The following TM9SF3 variants were observed in gnomAD, a reference collection of about 807,000 sequenced individuals.
The protein encoded by TM9SF3 is transmembrane 9 superfamily member 3.
A neutral mutation model predicts 78.6 loss-of-function variants in TM9SF3; 14 were observed. The ratio of observed to expected loss-of-function variants is 0.18; its 90% CI spans 0.12 to 0.28. The LOEUF is 0.28. Among genes scored for constraint, TM9SF3 ranks in the 10% least tolerant of loss-of-function variants. The pLI, the probability that TM9SF3 is intolerant of heterozygous loss-of-function variation, is 1.00. For synonymous variants in TM9SF3, 231 were observed against 241.7 expected, an observed-to-expected ratio of 0.96 and a Z score of 0.41; for missense variants, 496 against 721.9, an observed-to-expected ratio of 0.69 and a Z score of 3.59.
chr10:96,540,776 T>TTTC (rs1848019231), intron 9 of TM9SF3, among the ~76,000 whole-genome samples: 1 of 126,882 alleles, frequency 7.9e-6, no homozygotes, highest in East Asian at 2.2e-4. Context: ...TTTCTTTTTT[T>TTTC]TTTTTTTTTT....
rs117078741 is a variant in TM9SF3 at position 96,555,477 on chromosome 10, G to A, written c.661-2418C>T. The stretch of plus-strand genomic sequence containing the variant: ...ATCCTCCTGCTCTAAAATTCTACAG[G>A]TACATACATATGCATTGCTGTGTAT... On this transcript the variant is annotated intron_variant, in intron 5 of 14. Coordinates refer to ENST00000371142, the MANE Select transcript of TM9SF3 (RefSeq NM_020123.4). 2.2e-3 allele frequency among the ~76,000 whole-genome samples: 332 copies of A among 152,182 alleles called. 1 individual carries two copies. The highest frequency in any genetic ancestry group is 3.4e-3 in the Middle Eastern group (1 of 294).
At chr10:96,578,403 A>C (rs558181270) in intron 1 of TM9SF3, among the ~76,000 whole-genome samples, 1 of 152,364 alleles carries the variant, frequency 6.6e-6, no homozygotes, top group Admixed American at 6.5e-5. Flanking sequence ...TAAGGTAATA[A>C]AGGGCTATTG....
At chr10:96,522,370 C>G (rs1213421772) in intron 14 of TM9SF3, 40 bp from the exon 15 acceptor site, 11 of 1,483,298 alleles carry the variant, frequency 7.4e-6, no homozygotes, top group Non-Finnish European at 1.0e-5. Context: ...CAAATACATA[C>G]AGAGCAGTAT....
At chr10:96,568,417 C>G (rs1010827401) in intron 2 of TM9SF3, among the ~76,000 whole-genome samples, 1 of 151,970 alleles carries the variant, frequency 6.6e-6, no homozygotes, top group Non-Finnish European at 1.5e-5. Context: ...ATAGTTCTTA[C>G]GAGGGAAAAA....
chr10:96,560,148 C>A, intron 4 of TM9SF3: 2 of 749,708 alleles, frequency 2.7e-6, no homozygotes, highest in South Asian at 1.4e-5. Flanking sequence ...TTATCTCCGT[C>A]TGCCTTCTTT....
At chr10:96,565,584 T>C (rs2134153225) in intron 2 of TM9SF3, among the ~76,000 whole-genome samples, 158 bp from the exon 3 acceptor site, 1 of 152,048 alleles carries the variant, frequency 6.6e-6, no homozygotes, top group Non-Finnish European at 1.5e-5. Context: ...CAGTGTACTA[T>C]TCCTCCCTTT....
chr10:96,544,020 T>G, intron 9 of TM9SF3, 56 bp downstream of exon 9: 1 of 1,547,756 alleles, frequency 6.5e-7, no homozygotes, highest in African/African-American at 1.4e-5. Flanking sequence ...GGTGAGTAGG[T>G]CTCAGTTAGA....
chr10:96,569,893 G>C (rs973701516), intron 2 of TM9SF3, among the ~76,000 whole-genome samples: 3 of 152,158 alleles, frequency 2.0e-5, no homozygotes, highest in Non-Finnish European at 4.4e-5. Flanking sequence ...TCAGCTTGGC[G>C]TGGTGGCGTG....
chr10:96,546,039 C>T (rs1050874134), intron 8 of TM9SF3, among the ~76,000 whole-genome samples: 2 of 152,204 alleles, frequency 1.3e-5, no homozygotes, highest in African/African-American at 2.4e-5. Flanking sequence ...TTTTCTACTG[C>T]TCTTCAAACC....
chr10:96,560,418 T>C, intron 4 of TM9SF3: 4 of 742,024 alleles, frequency 5.4e-6, no homozygotes, highest in South Asian at 4.0e-5. Context: ...ACTGGCACCT[T>C]TGAAAATGTC....
At chr10:96,522,443 T>A (rs1292701283) in intron 14 of TM9SF3, 113 bp from the exon 15 acceptor site, 3 of 814,034 alleles carry the variant, frequency 3.7e-6, no homozygotes, top group East Asian at 6.2e-5. Context: ...AAAGAAAATA[T>A]CCTTATGTTA....
At position 96,586,665 on chromosome 10, in the gene TM9SF3, C is replaced by T. The variant is rs963287236; in HGVS notation, c.102+69G>A. ...CCGGGCCGCCGGGCACTCCAGGCTG[C>T]GTGGGGCCTGCCTCAGTGGGCAACT... On this transcript the variant is annotated intron_variant, in intron 1 of 14. Transcript: ENST00000371142. 41 of 1,178,088 alleles carry T rather than the reference C, an allele frequency of 3.5e-5. No individual in the cohort carries two copies. The South Asian group carries it at 1.2e-3, about 35-fold the overall frequency. The allele number at this position is 1,178,088 out of a possible 1,614,324, so 73.0% of individuals were successfully genotyped here. A position where few individuals can be genotyped will look rare whatever the true frequency, so the allele number is the denominator to read the frequency against.
At chr10:96,547,427 A>G (rs1051892475) in intron 8 of TM9SF3, among the ~76,000 whole-genome samples, 14 of 152,232 alleles carry the variant, frequency 9.2e-5, no homozygotes, top group Non-Finnish European at 1.8e-4. Context: ...TCTACTAATT[A>G]TTCATAATTT....
chr10:96,571,631 A>C (rs935917829), intron 2 of TM9SF3, among the ~76,000 whole-genome samples: 1 of 152,218 alleles, frequency 6.6e-6, no homozygotes, highest in Non-Finnish European at 1.5e-5. Context: ...AAAATATATA[A>C]GGCTCTAAAC....
In TM9SF3 at chr10:96,519,386, T is replaced by G. The variant is rs1485401312; in HGVS notation, c.*2877A>C. 1 of 151,966 alleles carries G rather than the reference T, an allele frequency of 6.6e-6. No homozygotes were observed. Among genetic ancestry groups the G allele is most frequent in the Non-Finnish European group, 1.5e-5 (1 of 67,856 alleles). The allele number at this position is 151,966 out of a possible 1,614,324, so 9.4% of individuals were successfully genotyped here. On this transcript the variant is annotated 3_prime_UTR_variant, in exon 15 of 15. Transcript: ENST00000371142. ...TTCTAAGAGTATGGGGTTTGATTTATGGGCAACCCCAGTACAATCTAGGAG... is the reference window on the plus strand; with the variant it reads ...TTCTAAGAGTATGGGGTTTGATTTAGGGGCAACCCCAGTACAATCTAGGAG...
intron 11 of TM9SF3, 135 bp from the exon 12 acceptor site, chr10:96,528,312 C>A: frequency 1.3e-6 from 1 of 763,930 alleles, no homozygotes. Flanking sequence ...CCAACAGCTT[C>A]TCTTACCATG....
At chr10:96,547,200 A>G (rs540221385) in intron 8 of TM9SF3, among the ~76,000 whole-genome samples, 4 of 152,350 alleles carry the variant, frequency 2.6e-5, no homozygotes, top group South Asian at 2.1e-4. Flanking sequence ...ACAGAAATAC[A>G]TAACTTTCCT....
intron 2 of TM9SF3, among the ~76,000 whole-genome samples, chr10:96,572,559 C>A (rs1284439463): frequency 6.9e-6 from 1 of 145,514 alleles, no homozygotes; most frequent in African/African-American, 2.5e-5. Flanking sequence ...CAGAGTCTTG[C>A]TCTGTCGCCC....
intron 11 of TM9SF3, among the ~76,000 whole-genome samples, chr10:96,529,614 T>A (rs1847874667): frequency 6.7e-6 from 1 of 149,732 alleles, no homozygotes; most frequent in African/African-American, 2.5e-5. Context: ...AATGAAAAAA[T>A]TTCAATGAAA....
Sources: allele counts gnomAD v4.1 joint callset (sites outside exome capture counted in the v4.1 genomes callset), GRCh38; gene constraint gnomAD v4.1.1; transcripts MANE v1.5; gene names NCBI Gene and HGNC (gene_info 2026-07-23, HGNC 2026-07-21).